The following LYST variants were observed in gnomAD, a reference collection of about 807,000 sequenced individuals.
The protein encoded by LYST is lysosomal trafficking regulator.
In LYST, 192 loss-of-function variants were observed where a neutral mutation model predicts 413.6. The observed-to-expected ratio is 0.46, with a 90% CI of 0.41 to 0.52. The LOEUF is 0.52. Ranked by LOEUF, LYST falls within the 20% of genes least tolerant of loss-of-function variation. The probability of loss-of-function intolerance (pLI) is 0.00; values close to 1 mark genes in which losing one functional copy is unlikely to be tolerated. For missense variants in LYST, 3,815 were observed against 4,499.9 expected, an observed-to-expected ratio of 0.85 and a Z score of 4.35; for synonymous variants, 1,525 against 1,567.3, an observed-to-expected ratio of 0.97 and a Z score of 0.64.
chr1:235,830,327 C>T lies in LYST; in HGVS notation c.91G>A (p.Glu31Lys), dbSNP rs766509659. The T allele has an allele frequency of 4.3e-6, 7 of 1,613,880 alleles. No individual in the cohort carries two copies. In the African/African-American group the frequency reaches 5.3e-5, roughly 12 times the overall value. Reference protein sequence around the residue: ...NAVVQRVEAREEEEEETHMAT... With the variant: ...NAVVQRVEARKEEEEETHMAT... ...ATGTGCGTCTCCTCCTCTTCTTCCT[C>T]CCTGGCCTCCACCCTCTGGACCACT... The change falls in exon 3 of 53, where the codon GAG (glutamate) becomes AAG (lysine). Residue 31 changes from glutamate to lysine, a missense_variant. Physicochemically the swap from Glu to Lys is moderately conservative, Grantham distance 56 (BLOSUM62 1). Around this residue, in one of 4 missense-constraint regions of LYST, gnomAD observed 1,648 missense variants for 1,810.3 expected, o/e 0.91. Transcript: ENST00000389793.
chr1:235,871,366 G>A (rs1014617715), upstream of LYST, among the ~76,000 whole-genome samples: 3 of 152,194 alleles, frequency 2.0e-5, no homozygotes, highest in Non-Finnish European at 2.9e-5. Flanking sequence ...TTACATTCCC[G>A]AGGGGTTGGG....
rs10465613 is a variant in LYST at position 235,806,086 on chromosome 1, C to T, written c.3050G>A (p.Ser1017Asn). The change falls in exon 6 of 53, where the codon AGT becomes AAT. Residue 1017 changes from serine (S) to asparagine (N), a missense_variant. Physicochemically the swap from Ser to Asn is conservative, Grantham distance 46. Around this residue, in one of 4 missense-constraint regions of LYST, gnomAD observed 1,648 missense variants for 1,810.3 expected, o/e 0.91. Coordinates refer to ENST00000389793, the MANE Select transcript of LYST (RefSeq NM_000081.4). The part of the protein sequence containing the change: ...EEQGKKEGDT[S>N]VNENQDLNRI... ...GTTTAAATCCTGGTTTTCATTTACA[C>T]TTGTATCTCCCTCCTTTTTTCCTTG... 12,213 of 1,613,654 alleles carry T rather than the reference C, an allele frequency of 7.6e-3. 784 individuals are homozygous for T. In the African/African-American group the frequency reaches 0.14, roughly 18 times the overall value.
At position 235,685,859 on chromosome 1, in the gene LYST, A is replaced by AC. The variant is rs995559875; in HGVS notation, c.10800+1089_10800+1090insG. Among the ~76,000 whole-genome samples, 25 of 136,734 alleles carry AC rather than the reference A, an allele frequency of 1.8e-4. No individual in the cohort carries two copies. The East Asian group carries it at 2.3e-3, about 13-fold the overall frequency. The allele number at this position is 136,734 out of a possible 152,430, so 89.7% of individuals were successfully genotyped here. ...AGACTCTGTCTTAAAACAAAACAAA[A>AC]AAAAAAAAACAAACAAAAAAAGAAA... On this transcript the variant is annotated intron_variant, in intron 48 of 52. Transcript: ENST00000389793.
At chr1:235,703,622 T>C (rs150427167) in intron 44 of LYST, among the ~76,000 whole-genome samples, 11 of 152,342 alleles carry the variant, frequency 7.2e-5, no homozygotes, top group South Asian at 6.2e-4. Context: ...TAATCAGTCA[T>C]AGTGGCTTTC....
intron 4 of LYST, among the ~76,000 whole-genome samples, chr1:235,812,246 G>A (rs1273491801): frequency 6.6e-6 from 1 of 152,118 alleles, no homozygotes; most frequent in Non-Finnish European, 1.5e-5. Flanking sequence ...GCTCATGCCT[G>A]TAATCCCAGC....
chr1:235,804,891 T>C lies in LYST; in HGVS notation c.3394-226A>G, dbSNP rs576570460. Among the ~76,000 whole-genome samples, 4 of 152,326 alleles carry C rather than the reference T, an allele frequency of 2.6e-5. No individual in the cohort carries two copies. The South Asian group carries it at 8.3e-4, about 32-fold the overall frequency. On this transcript the variant is annotated intron_variant, in intron 6 of 52. Coordinates refer to ENST00000389793, the MANE Select transcript of LYST (RefSeq NM_000081.4). The stretch of plus-strand genomic sequence containing the variant: ...CTTAGTTCATCTTATTTGGTTTTCA[T>C]TGCAGCATGGTAAAGAATGGCAAGA...
chr1:235,805,673 T>C (rs1372528648), intron 6 of LYST, 70 bp downstream of exon 6: 2 of 722,360 alleles, frequency 2.8e-6, no homozygotes, highest in East Asian at 3.0e-5. Flanking sequence ...ACATTTTTTA[T>C]ATATATATGT....
At chr1:235,803,856 T>C (rs1672519363) in intron 7 of LYST, among the ~76,000 whole-genome samples, 1 of 152,096 alleles carries the variant, frequency 6.6e-6, no homozygotes, top group Non-Finnish European at 1.5e-5. Context: ...AAACATTATA[T>C]ATATGGCTAG....
chr1:235,801,854 G>C (rs1450403683), intron 8 of LYST, among the ~76,000 whole-genome samples: 1 of 152,130 alleles, frequency 6.6e-6, no homozygotes, highest in Non-Finnish European at 1.5e-5. Context: ...CACTAGATGA[G>C]AGCGAGAAAA....
intron 10 of LYST, among the ~76,000 whole-genome samples, chr1:235,799,370 A>T (rs180923219): frequency 5.9e-5 from 9 of 152,304 alleles, no homozygotes; most frequent in African/African-American, 2.2e-4. Context: ...ATTAATTATA[A>T]AGGGAAAATA....
At chr1:235,738,471 G>A (rs1558171294) in intron 31 of LYST, 3 of 1,612,492 alleles carry the variant, frequency 1.9e-6, no homozygotes, top group Non-Finnish European at 2.5e-6. Context: ...CAAAAACCAT[G>A]TTATTGGAAG....
upstream of LYST, among the ~76,000 whole-genome samples, chr1:235,868,671 T>C (rs751046549): frequency 3.9e-5 from 6 of 152,190 alleles, no homozygotes; most frequent in Non-Finnish European, 8.8e-5. Flanking sequence ...TTTGTGACTA[T>C]TATTTTTTTC....
Position 235,806,456 on chromosome 1 carries a change from G to T in LYST, c.2680C>A (p.His894Asn). 6.2e-7 allele frequency: 1 copy of T among 1,614,034 alleles called. No individual in the cohort carries two copies. The highest frequency in any genetic ancestry group is 8.5e-7 in the Non-Finnish European group (1 of 1,179,972). Residue 894 changes from histidine (H) to asparagine (N), a missense_variant, in exon 6 of 53, where the codon CAT becomes AAT. His to Asn is a moderately conservative substitution (Grantham distance 68, BLOSUM62 1). Coordinates refer to ENST00000389793, the MANE Select transcript of LYST (RefSeq NM_000081.4). ...AGGAATAGGTTTATTGTGTTGATAT[G>T]AACATCTTGGTTAACAGTCTTCCGT... is the stretch of plus-strand genomic sequence containing the variant. ...KRRKTVNQDV[H>N]INTINLFLCV...
At chr1:235,691,427 A>C (rs1394842585) in intron 47 of LYST, among the ~76,000 whole-genome samples, 1 of 152,234 alleles carries the variant, frequency 6.6e-6, no homozygotes, top group Non-Finnish European at 1.5e-5. Context: ...TGTTCTTTCT[A>C]CTATACATGA....
intron 14 of LYST, among the ~76,000 whole-genome samples, chr1:235,785,769 C>T (rs984285665): frequency 5.9e-5 from 9 of 152,192 alleles, no homozygotes; most frequent in African/African-American, 1.2e-4. Context: ...ATTACAGTTT[C>T]GAATTCTCTA....
intron 43 of LYST, among the ~76,000 whole-genome samples, chr1:235,711,787 A>G (rs1224394193): frequency 2.6e-5 from 4 of 152,150 alleles, no homozygotes; most frequent in Non-Finnish European, 5.9e-5. Flanking sequence ...AAAAAGAATA[A>G]AGCAATTTCT....
At chr1:235,848,912 A>G (rs1678204914) in intron 1 of LYST, among the ~76,000 whole-genome samples, 1 of 152,128 alleles carries the variant, frequency 6.6e-6, no homozygotes, top group Non-Finnish European at 1.5e-5. Context: ...AGGACCAGAC[A>G]GATTCACGGC....
chr1:235,774,024 T>A, intron 18 of LYST, 33 bp from the exon 19 acceptor site: 1 of 1,455,216 alleles, frequency 6.9e-7, no homozygotes, highest in Non-Finnish European at 9.6e-7. Flanking sequence ...TAAGATGCAT[T>A]AGTAATTGGT....
intron 1 of LYST, among the ~76,000 whole-genome samples, chr1:235,850,758 A>G (rs898001477): frequency 6.6e-6 from 1 of 152,252 alleles, no homozygotes; most frequent in Non-Finnish European, 1.5e-5. Flanking sequence ...TAAATGGCCA[A>G]CAAACATATG....
Sources: allele counts gnomAD v4.1 joint callset (sites outside exome capture counted in the v4.1 genomes callset), GRCh38; gene constraint gnomAD v4.1.1; regional missense constraint gnomAD v4.1.1; transcripts MANE v1.5; gene names NCBI Gene and HGNC (gene_info 2026-07-23, HGNC 2026-07-21).